Variants in FAM185A observed in about 807,000 individuals in gnomAD.
FAM185A encodes the protein family with sequence similarity 185 member A.
In FAM185A, 21 loss-of-function variants were observed where a neutral mutation model predicts 45.7. That is an observed-to-expected ratio of 0.46 (90% confidence interval 0.33 to 0.66). The LOEUF (loss-of-function observed/expected upper bound fraction) is 0.66, where lower values mean the gene tolerates loss of function less well. FAM185A is among the 30% of genes least tolerant of loss of function. FAM185A has a pLI of 0.03. For synonymous variants in FAM185A, 117 were observed against 194.0 expected (o/e 0.60, Z 3.30); for missense variants, 305 against 485.4 (o/e 0.63, Z 3.49).
At chr7:102,821,644 C>T in the FAM185A span, among the ~76,000 whole-genome samples, 3 of 152,176 alleles carry the variant, frequency 2.0e-5, no homozygotes, top group Admixed American at 2.0e-4. Flanking sequence ...TTTATCAGGT[C>T]AGTTAAAATA....
At chr7:102,836,423 T>A in the FAM185A span, among the ~76,000 whole-genome samples, 1 of 152,230 alleles carries the variant, frequency 6.6e-6, no homozygotes, top group African/African-American at 2.4e-5. Context: ...TAATCACTCA[T>A]GAAATTCCAT....
the FAM185A span, among the ~76,000 whole-genome samples, chr7:102,816,943 A>AT: frequency 3.9e-4 from 59 of 152,276 alleles, no homozygotes; most frequent in African/African-American, 1.3e-3. Flanking sequence ...TGATTTCATT[A>AT]TTTTTTATGA....
chr7:102,842,496 G>A, the FAM185A span, among the ~76,000 whole-genome samples: 4 of 152,222 alleles, frequency 2.6e-5, no homozygotes, highest in Admixed American at 2.6e-4. Flanking sequence ...TGATGAGAAT[G>A]ATTGATGAGA....
downstream of FAM185A, among the ~76,000 whole-genome samples, chr7:102,812,177 G>C (rs142273919): frequency 1.3e-5 from 2 of 152,280 alleles, no homozygotes; most frequent in African/African-American, 4.8e-5. Flanking sequence ...CTTGGACTGT[G>C]TCAACATCAG....
downstream of FAM185A, among the ~76,000 whole-genome samples, chr7:102,809,837 G>A (rs541599616): frequency 2.6e-5 from 4 of 152,300 alleles, no homozygotes; most frequent in South Asian, 8.3e-4. Context: ...CCCAGTGTTG[G>A]AGGTGGGGCC....
chr7:102,849,248 T>C, the FAM185A span, among the ~76,000 whole-genome samples: 1 of 152,150 alleles, frequency 6.6e-6, no homozygotes, highest in Non-Finnish European at 1.5e-5. Context: ...ACCAAATAAT[T>C]TTAGTGTAAC....
rs994789138 is a variant in FAM185A at position 102,808,480 on chromosome 7, C to T, written c.*78C>T. ...CTACAAAAATGTAAATCCCACCATT[C>T]ATATAAAGGTTGAAAACAACAAATT... On this transcript the variant is annotated 3_prime_UTR_variant, in exon 8 of 8. Transcript: ENST00000413034. 6 of 909,616 alleles carry T rather than the reference C, an allele frequency of 6.6e-6. No individual in the cohort carries two copies. The Admixed American group carries it at 8.7e-5, about 13-fold the overall frequency. The allele number at this position is 909,616 out of a possible 1,614,324, so 56.3% of individuals were successfully genotyped here.
At chr7:102,753,007 G>A (rs911713216) in intron 2 of FAM185A, among the ~76,000 whole-genome samples, 3 of 150,760 alleles carry the variant, frequency 2.0e-5, no homozygotes, top group Non-Finnish European at 3.0e-5. Context: ...CTTTATTTGC[G>A]TATCTGCCAT....
chr7:102,807,247 A>C (rs1342034870), intron 7 of FAM185A, among the ~76,000 whole-genome samples: 1 of 152,114 alleles, frequency 6.6e-6, no homozygotes, highest in African/African-American at 2.4e-5. Context: ...GACTACAAAG[A>C]AATTTTTGGG....
chr7:102,763,641 G>T (rs1003094904), intron 4 of FAM185A, among the ~76,000 whole-genome samples: 27 of 152,196 alleles, frequency 1.8e-4, no homozygotes, highest in Non-Finnish European at 3.7e-4. Flanking sequence ...CCAGGAAGGA[G>T]TATGATCTTG....
chr7:102,800,088 A>C (rs2537390), intron 7 of FAM185A, among the ~76,000 whole-genome samples: 4 of 152,186 alleles, frequency 2.6e-5, no homozygotes, highest in Admixed American at 6.5e-5. Flanking sequence ...ATCTGTGCAG[A>C]CAACTCCCGT....
the FAM185A span, among the ~76,000 whole-genome samples, chr7:102,850,020 AAAG>A: frequency 9.3e-4 from 141 of 152,118 alleles, 1 homozygote; most frequent in African/African-American, 3.3e-3. Context: ...TAGAAAAAAA[AAAG>A]AAAAATTTAT....
intron 7 of FAM185A, among the ~76,000 whole-genome samples, chr7:102,799,557 G>C (rs951951756): frequency 2.0e-5 from 3 of 152,206 alleles, no homozygotes; most frequent in African/African-American, 7.2e-5. Flanking sequence ...GGATCATTCT[G>C]TATTTTGTGT....
chr7:102,787,745 G>A (rs925218198), intron 7 of FAM185A, among the ~76,000 whole-genome samples: 3 of 152,072 alleles, frequency 2.0e-5, no homozygotes, highest in Non-Finnish European at 2.9e-5. Context: ...TCTAATTCTC[G>A]AACTTAAAAA....
chr7:102,806,564 T>G (rs981582065), intron 7 of FAM185A, among the ~76,000 whole-genome samples: 1 of 150,158 alleles, frequency 6.7e-6, no homozygotes, highest in Non-Finnish European at 1.5e-5. Context: ...TTTGTTTGTG[T>G]TTTTTTGTTT....
chr7:102,845,315 T>C, the FAM185A span, among the ~76,000 whole-genome samples: 11 of 152,282 alleles, frequency 7.2e-5, no homozygotes, highest in South Asian at 1.9e-3. Context: ...TCAGGAACCA[T>C]GGTCAAAGAC....
At chr7:102,825,222 T>C in the FAM185A span, among the ~76,000 whole-genome samples, 1 of 152,176 alleles carries the variant, frequency 6.6e-6, no homozygotes, top group Non-Finnish European at 1.5e-5. Flanking sequence ...ATATTGAAAC[T>C]TAACCCAAGA....
At chr7:102,788,941 C>T (rs1232997275) in intron 7 of FAM185A, among the ~76,000 whole-genome samples, 1 of 152,100 alleles carries the variant, frequency 6.6e-6, no homozygotes, top group Admixed American at 6.5e-5. Context: ...GTATAGGGCA[C>T]TTACCATAAG....
At chr7:102,770,576 G>A (rs1187338979) in intron 4 of FAM185A, among the ~76,000 whole-genome samples, 9 of 151,758 alleles carry the variant, frequency 5.9e-5, no homozygotes, top group Non-Finnish European at 7.4e-5. Context: ...AAGAGAAGAC[G>A]TACAAGAAAC....
Sources: gnomAD v4.1 joint callset for allele counts (sites outside exome capture counted in the v4.1 genomes callset) on GRCh38, gnomAD v4.1.1 for gene constraint, MANE v1.5 for transcripts, NCBI Gene and HGNC (gene_info 2026-07-23, HGNC 2026-07-21) for gene names.